Variants in ERBB4 observed in about 807,000 individuals in gnomAD.
The protein encoded by ERBB4 is erb-b2 receptor tyrosine kinase 4, also known as receptor tyrosine-protein kinase erbB-4.
A neutral mutation model predicts 158.0 loss-of-function variants in ERBB4; 42 were observed. The observed-to-expected ratio is 0.27, with a 90% CI of 0.21 to 0.34. The LOEUF is 0.34. ERBB4 is among the 10% of genes least tolerant of loss of function. The pLI, the probability that ERBB4 is intolerant of heterozygous loss-of-function variation, is 1.00. For missense variants in ERBB4, 1,333 were observed against 1,624.1 expected (o/e 0.82, Z 3.08); for synonymous variants, 583 against 558.7 (o/e 1.04, Z -0.61).
At chr2:211,856,689 G>C (rs909091126) in intron 3 of ERBB4, among the ~76,000 whole-genome samples, 2 of 152,046 alleles carry the variant, frequency 1.3e-5, no homozygotes, top group Non-Finnish European at 2.9e-5. Context: ...GCCCAGCCTA[G>C]TCTTGTAATT....
At chr2:212,350,420 C>T (rs1274959443) in intron 1 of ERBB4, among the ~76,000 whole-genome samples, 1 of 151,996 alleles carries the variant, frequency 6.6e-6, no homozygotes, top group Non-Finnish European at 1.5e-5. Flanking sequence ...ATTCCAAGAA[C>T]ATAAGCAAAT....
chr2:212,148,194 C>T (rs1219274050), intron 1 of ERBB4, among the ~76,000 whole-genome samples: 9 of 150,982 alleles, frequency 6.0e-5, no homozygotes, highest in South Asian at 4.2e-4. Context: ...TAATTGGTAC[C>T]GATTTCTATT....
At chr2:211,794,194 A>T (rs1294016096) in intron 3 of ERBB4, among the ~76,000 whole-genome samples, 2 of 151,936 alleles carry the variant, frequency 1.3e-5, no homozygotes, top group African/African-American at 2.4e-5. Flanking sequence ...ATTAATACAT[A>T]CTTCAGTATC....
intron 1 of ERBB4, among the ~76,000 whole-genome samples, chr2:212,184,502 A>G (rs986912165): frequency 8.5e-5 from 13 of 152,086 alleles, no homozygotes; most frequent in Non-Finnish European, 1.8e-4. Context: ...ATATCTTTCT[A>G]ATAGTCCTAA....
chr2:211,500,458 T>G (rs1349680684), intron 20 of ERBB4, among the ~76,000 whole-genome samples: 2 of 152,078 alleles, frequency 1.3e-5, no homozygotes, highest in Non-Finnish European at 2.9e-5. Flanking sequence ...TATTTAAACT[T>G]TCATGTATTA....
chr2:211,797,410 A>G (rs1021275527), intron 3 of ERBB4, among the ~76,000 whole-genome samples: 5 of 151,972 alleles, frequency 3.3e-5, no homozygotes, highest in Non-Finnish European at 5.9e-5. Flanking sequence ...TCTTCTCACA[A>G]TGTGTGATTT....
intron 1 of ERBB4, among the ~76,000 whole-genome samples, chr2:212,250,454 C>T (rs572991900): frequency 6.6e-6 from 1 of 152,000 alleles, no homozygotes; most frequent in South Asian, 2.1e-4. Flanking sequence ...GTTTTGGCTG[C>T]TCAGGAACCT....
At chr2:212,286,604 T>TTTTTGTTTG (rs1553611195) in intron 1 of ERBB4, among the ~76,000 whole-genome samples, 1 of 129,568 alleles carries the variant, frequency 7.7e-6, no homozygotes, top group Non-Finnish European at 1.6e-5. Flanking sequence ...CTTTTTTTTT[T>TTTTTGTTTG]TTTTTTTTTT....
chr2:212,534,939 A>G (rs972900120), intron 1 of ERBB4, among the ~76,000 whole-genome samples: 2 of 152,190 alleles, frequency 1.3e-5, no homozygotes, highest in African/African-American at 4.8e-5. Flanking sequence ...ATGCTCTGAT[A>G]AATATTCTAA....
intron 1 of ERBB4, among the ~76,000 whole-genome samples, chr2:212,462,806 T>C (rs1688641359): frequency 6.6e-6 from 1 of 152,162 alleles, no homozygotes; most frequent in African/African-American, 2.4e-5. Flanking sequence ...TGCACTGCCA[T>C]GTTTATTGCA....
chr2:212,308,946 C>A (rs949959526), intron 1 of ERBB4, among the ~76,000 whole-genome samples: 1 of 150,824 alleles, frequency 6.6e-6, no homozygotes, highest in East Asian at 2.0e-4. Context: ...GTAAAAATAA[C>A]CCCAGCTGAA....
intron 4 of ERBB4, among the ~76,000 whole-genome samples, chr2:211,772,956 T>TATATATA (rs1491260097): frequency 6.3e-4 from 48 of 76,306 alleles, no homozygotes; most frequent in African/African-American, 3.3e-3. Context: ...TATATATATA[T>TATATATA]TTTTTTTTTT....
At chr2:211,532,154 G>T (rs530471719) in intron 20 of ERBB4, among the ~76,000 whole-genome samples, 3 of 151,642 alleles carry the variant, frequency 2.0e-5, no homozygotes, top group East Asian at 1.9e-4. Flanking sequence ...AGGGTTGTGG[G>T]GGGGGAAAGT....
intron 20 of ERBB4, among the ~76,000 whole-genome samples, chr2:211,548,307 T>A: frequency 6.8e-6 from 1 of 148,062 alleles, no homozygotes; most frequent in African/African-American, 2.5e-5. Flanking sequence ...GATAGAAAGA[T>A]CGAGAGGGAA....
chr2:211,993,845 A>G (rs2082135632), intron 2 of ERBB4, among the ~76,000 whole-genome samples: 1 of 151,760 alleles, frequency 6.6e-6, no homozygotes, highest in African/African-American at 2.4e-5. Context: ...CTTGCATATC[A>G]GTGTTTCTTA....
intron 1 of ERBB4, among the ~76,000 whole-genome samples, chr2:212,261,718 T>C (rs1295548233): frequency 3.3e-5 from 5 of 152,118 alleles, no homozygotes; most frequent in Non-Finnish European, 5.9e-5. Context: ...ATATAAAGGA[T>C]ATCTCTGTAA....
chr2:211,656,543 T>C (rs2071224653), intron 16 of ERBB4, among the ~76,000 whole-genome samples: 1 of 152,238 alleles, frequency 6.6e-6, no homozygotes, highest in African/African-American at 2.4e-5. Flanking sequence ...TAATTTTTGA[T>C]AAGCACATGC....
intron 20 of ERBB4, among the ~76,000 whole-genome samples, chr2:211,494,336 A>G (rs1346862816): frequency 6.6e-6 from 1 of 152,118 alleles, no homozygotes; most frequent in Admixed American, 6.5e-5. Context: ...AAATGTTGCT[A>G]ACAACATCAT....
At chr2:211,560,521 GC>G (rs141885646) in intron 20 of ERBB4, among the ~76,000 whole-genome samples, 14,348 of 151,768 alleles carry the variant, frequency 0.095, 872 homozygotes, top group Non-Finnish European at 0.14. Flanking sequence ...TGACCCACCT[GC>G]CTCGGCCCCC....
Sources: allele counts gnomAD v4.1 joint callset (sites outside exome capture counted in the v4.1 genomes callset), GRCh38; gene constraint gnomAD v4.1.1; transcripts MANE v1.5; gene names NCBI Gene and HGNC (gene_info 2026-07-23, HGNC 2026-07-21).